The following DPH6 variants were observed in gnomAD, a reference collection of about 807,000 sequenced individuals.
DPH6 encodes diphthamine biosynthesis 6.
In DPH6, 33 loss-of-function variants were observed where a neutral mutation model predicts 38.2. That is an observed-to-expected ratio of 0.86 (90% CI 0.65 to 1.15). The LOEUF is 1.15. Ranked by LOEUF, DPH6 falls within the 50% of genes most tolerant of loss-of-function variation. The probability of loss-of-function intolerance (pLI) is 0.00; values close to 1 mark genes in which losing one functional copy is unlikely to be tolerated. For missense variants in DPH6, 325 were observed against 320.0 expected, an observed-to-expected ratio of 1.02 and a Z score of -0.12; for synonymous variants, 108 against 103.0, an observed-to-expected ratio of 1.05 and a Z score of -0.30.
rs1467173992 is a variant in DPH6 at position 35,545,160 on chromosome 15, AT to A, written c.23+958del. Among the ~76,000 whole-genome samples the A allele has an allele frequency of 2.6e-5, 4 of 152,370 alleles. No individual in the cohort carries two copies. In the East Asian group the frequency reaches 5.8e-4, roughly 22 times the overall value. ...AAACGTTTATGAAATCTTCAATTGG[AT>A]TACAAAAGCAAGCACATCGTTGCAC... is the stretch of plus-strand genomic sequence containing the variant. On this transcript the variant is annotated intron_variant, in intron 1 of 8. Coordinates refer to ENST00000256538, the MANE Select transcript of DPH6 (RefSeq NM_080650.4).
the DPH6 span, among the ~76,000 whole-genome samples, chr15:35,156,952 T>C: frequency 6.6e-6 from 1 of 152,156 alleles, no homozygotes; most frequent in Non-Finnish European, 1.5e-5. Context: ...TGAACTAATT[T>C]TGGAGATTTT....
intron 3 of DPH6, among the ~76,000 whole-genome samples, chr15:35,475,566 T>C: frequency 6.6e-6 from 1 of 151,948 alleles, no homozygotes. Flanking sequence ...ATATATTTCT[T>C]TGGTCATGGA....
intron 3 of DPH6, among the ~76,000 whole-genome samples, chr15:35,244,363 C>G (rs757561888): frequency 2.6e-5 from 4 of 152,168 alleles, no homozygotes; most frequent in Non-Finnish European, 5.9e-5. Flanking sequence ...AAATCTTTTT[C>G]TCCTTCTGAA....
At chr15:35,298,611 C>T in intron 3 of DPH6, 1 of 866,594 alleles carries the variant, frequency 1.2e-6, no homozygotes, top group Non-Finnish European at 2.0e-6. Context: ...TCCGTGGCGT[C>T]ACCCACGATG....
intron 3 of DPH6, among the ~76,000 whole-genome samples, chr15:35,296,853 G>T (rs765629098): frequency 8.8e-6 from 1 of 113,912 alleles, no homozygotes; most frequent in Admixed American, 1.0e-4. Flanking sequence ...GCCGGACTGC[G>T]GACTGCAGTG....
At chr15:35,377,875 G>GT (rs760095339) in intron 7 of DPH6, among the ~76,000 whole-genome samples, 2,835 of 144,146 alleles carry the variant, frequency 0.02, 35 homozygotes, top group South Asian at 0.038. Flanking sequence ...TATTCATATT[G>GT]TTTTTTTTTT....
At chr15:35,292,503 T>C (rs1424537216) in intron 3 of DPH6, among the ~76,000 whole-genome samples, 1 of 152,160 alleles carries the variant, frequency 6.6e-6, no homozygotes, top group Non-Finnish European at 1.5e-5. Context: ...AGGACTAATA[T>C]GATAACAGAA....
the DPH6 span, among the ~76,000 whole-genome samples, chr15:35,166,650 C>T: frequency 9.2e-5 from 14 of 151,880 alleles, no homozygotes; most frequent in Non-Finnish European, 2.1e-4. Context: ...AATAAAGATG[C>T]TATTAGTGTA....
chr15:35,178,841 A>C, the DPH6 span, among the ~76,000 whole-genome samples: 3 of 152,160 alleles, frequency 2.0e-5, no homozygotes, highest in Non-Finnish European at 4.4e-5. Flanking sequence ...TGAATAACAG[A>C]GAATACATCC....
chr15:35,408,260 T>C (rs1225870129), intron 6 of DPH6, among the ~76,000 whole-genome samples: 1 of 151,948 alleles, frequency 6.6e-6, no homozygotes, highest in Non-Finnish European at 1.5e-5. Context: ...GTGACACAAA[T>C]ACAGTAGAAT....
At chr15:35,543,507 T>C (rs1356536594) in intron 1 of DPH6, among the ~76,000 whole-genome samples, 1 of 152,010 alleles carries the variant, frequency 6.6e-6, no homozygotes, top group Non-Finnish European at 1.5e-5. Context: ...TATCATTGCC[T>C]CTCTCCCTTT....
chr15:35,219,048 T>A (rs1217780107), exon 4 of DPH6: 1 of 152,186 alleles, frequency 6.6e-6, no homozygotes, highest in African/African-American at 2.4e-5. Context: ...TGAAGATATT[T>A]TAAAAATGCT....
At chr15:35,225,221 A>G (rs2051472577) in intron 3 of DPH6, among the ~76,000 whole-genome samples, 1 of 152,266 alleles carries the variant, frequency 6.6e-6, no homozygotes, top group Non-Finnish European at 1.5e-5. Context: ...GGGTAAGAAT[A>G]CCACAGAGGT....
chr15:35,397,882 C>T (rs1360380489), intron 6 of DPH6, among the ~76,000 whole-genome samples: 107 of 148,610 alleles, frequency 7.2e-4, no homozygotes, highest in East Asian at 5.1e-3. Context: ...CACACACACA[C>T]ACACACACAC....
intron 3 of DPH6, among the ~76,000 whole-genome samples, chr15:35,283,727 T>A (rs2051918707): frequency 6.6e-6 from 1 of 150,720 alleles, no homozygotes; most frequent in Non-Finnish European, 1.5e-5. Flanking sequence ...GCAAGAAAGA[T>A]GGTTTACTTT....
chr15:35,545,610 CACTT>C (rs1055288684), intron 1 of DPH6, among the ~76,000 whole-genome samples: 16 of 152,272 alleles, frequency 1.1e-4, no homozygotes, highest in Middle Eastern at 3.4e-3. Flanking sequence ...TGGGCGGAAA[CACTT>C]ACAACTAGGG....
chr15:35,353,629 A>G, intron 3 of DPH6, among the ~76,000 whole-genome samples: 1 of 152,044 alleles, frequency 6.6e-6, no homozygotes, highest in Non-Finnish European at 1.5e-5. Flanking sequence ...GTTCTGTTCC[A>G]TTGGTCTATA....
intron 3 of DPH6, among the ~76,000 whole-genome samples, chr15:35,478,370 CACA>C (rs1566925015): frequency 7.7e-5 from 2 of 26,138 alleles, no homozygotes; most frequent in Non-Finnish European, 5.3e-4. Flanking sequence ...CACACATACA[CACA>C]CACACACACA....
At chr15:35,511,073 T>G (rs1332178457) in intron 3 of DPH6, among the ~76,000 whole-genome samples, 4 of 152,146 alleles carry the variant, frequency 2.6e-5, no homozygotes, top group Admixed American at 2.6e-4. Context: ...GCATCACCTG[T>G]GTACTTGTTA....
Sources: allele counts gnomAD v4.1 joint callset (sites outside exome capture counted in the v4.1 genomes callset), GRCh38; gene constraint gnomAD v4.1.1; transcripts MANE v1.5; gene names NCBI Gene and HGNC (gene_info 2026-07-23, HGNC 2026-07-21).